Variants in PARPBP observed in about 807,000 individuals in gnomAD.
The protein encoded by PARPBP is PARP1 binding protein.
In PARPBP, 52 loss-of-function variants were observed where a neutral mutation model predicts 50.0. The ratio of observed to expected loss-of-function variants is 1.04; its 90% CI spans 0.83 to 1.31. PARPBP has a LOEUF of 1.31. Ranked by LOEUF, PARPBP falls within the 50% of genes most tolerant of loss-of-function variation. The pLI is 0.00. For synonymous variants in PARPBP, 244 were observed against 232.1 expected (o/e 1.05, Z -0.47); for missense variants, 697 against 672.0 (o/e 1.04, Z -0.41).
At chr12:102,172,086 C>A (rs1199397072) in intron 6 of PARPBP, among the ~76,000 whole-genome samples, 1 of 152,134 alleles carries the variant, frequency 6.6e-6, no homozygotes, top group Non-Finnish European at 1.5e-5. Flanking sequence ...GTGTTCTCTT[C>A]CAGTTACTTT....
chr12:102,186,758 G>A (rs1451068286), intron 9 of PARPBP, among the ~76,000 whole-genome samples: 1 of 152,096 alleles, frequency 6.6e-6, no homozygotes. Context: ...TGAGTCTAAT[G>A]TTTATAGCAT....
intron 9 of PARPBP, among the ~76,000 whole-genome samples, chr12:102,184,539 T>C (rs988471287): frequency 6.6e-6 from 1 of 152,162 alleles, no homozygotes; most frequent in Non-Finnish European, 1.5e-5. Flanking sequence ...GAAGGCACCT[T>C]ATCCAAGATC....
At chr12:102,165,155 C>G (rs1278860253) in intron 5 of PARPBP, among the ~76,000 whole-genome samples, 1 of 152,210 alleles carries the variant, frequency 6.6e-6, no homozygotes, top group Non-Finnish European at 1.5e-5. Context: ...GGAACACTTA[C>G]GTACAGCTAT....
chr12:102,143,993 G>T (rs1565866018), intron 2 of PARPBP, among the ~76,000 whole-genome samples: 1 of 152,078 alleles, frequency 6.6e-6, no homozygotes, highest in Non-Finnish European at 1.5e-5. Context: ...TCAAAACAAT[G>T]ATTTTACTTT....
intron 3 of PARPBP, 28 bp downstream of exon 3, chr12:102,148,491 T>G: frequency 1.2e-6 from 1 of 857,432 alleles, no homozygotes; most frequent in South Asian, 1.9e-5. Context: ...AATTCTATTT[T>G]AATCAAATTA....
At chr12:102,159,615 G>A (rs752434199) in intron 4 of PARPBP, among the ~76,000 whole-genome samples, 1 of 151,370 alleles carries the variant, frequency 6.6e-6, no homozygotes. Context: ...TTTTCCTAAG[G>A]TACTAAACCA....
chr12:102,142,219 G>A (rs757903515), intron 2 of PARPBP, among the ~76,000 whole-genome samples: 6 of 151,818 alleles, frequency 4.0e-5, no homozygotes, highest in African/African-American at 9.7e-5. Flanking sequence ...TTGTCTTCTC[G>A]CTTCATTTCA....
intron 6 of PARPBP, among the ~76,000 whole-genome samples, chr12:102,174,501 A>G (rs1182276111): frequency 6.6e-6 from 1 of 152,190 alleles, no homozygotes; most frequent in Non-Finnish European, 1.5e-5. Context: ...CCTTTATGCC[A>G]CTACAAAAGA....
intron 2 of PARPBP, among the ~76,000 whole-genome samples, chr12:102,147,293 A>G (rs1353229294): frequency 1.3e-5 from 2 of 152,150 alleles, no homozygotes; most frequent in Non-Finnish European, 2.9e-5. Context: ...ACTATTCACA[A>G]TAGCAAAGAC....
At chr12:102,126,104 G>A (rs1881948180) in intron 2 of PARPBP, among the ~76,000 whole-genome samples, 1 of 152,314 alleles carries the variant, frequency 6.6e-6, no homozygotes, top group East Asian at 1.9e-4. Flanking sequence ...GTTTTTCTAG[G>A]AGACATATTA....
At chr12:102,182,962 A>G (rs1457823688) in intron 9 of PARPBP, among the ~76,000 whole-genome samples, 1 of 152,200 alleles carries the variant, frequency 6.6e-6, no homozygotes, top group African/African-American at 2.4e-5. Context: ...TATATCTTAA[A>G]CTGAATCTCA....
rs780797487 is a variant in PARPBP, at chr12:102,145,020, T to C, written c.154-3210T>C. Among the ~76,000 whole-genome samples the C allele has an allele frequency of 2.6e-5, 4 of 152,158 alleles. No individual in the cohort carries two copies. In the South Asian group the frequency reaches 8.3e-4, roughly 31 times the overall value. On this transcript the variant is annotated intron_variant, in intron 2 of 10. Coordinates refer to ENST00000327680, the MANE Select transcript of PARPBP (RefSeq NM_017915.5). ...GCACTAAGGACAATGAGGATAATTT[T>C]TTTAGTTGTGTTTGTATAGATGAGT...
intron 6 of PARPBP, among the ~76,000 whole-genome samples, chr12:102,173,815 C>T (rs759182894): frequency 6.7e-6 from 1 of 150,078 alleles, no homozygotes; most frequent in Non-Finnish European, 1.5e-5. Context: ...GCACAGCTTT[C>T]GGCTTACCAT....
chr12:102,153,813 A>C, intron 3 of PARPBP, 56 bp from the exon 4 acceptor site: 1 of 904,358 alleles, frequency 1.1e-6, no homozygotes, highest in Non-Finnish European at 1.8e-6. Flanking sequence ...CTTTATGTGA[A>C]GTATTTTTTA....
chr12:102,124,069 GT>G, intron 2 of PARPBP, 28 bp downstream of exon 2: 1 of 1,504,774 alleles, frequency 6.6e-7, no homozygotes, highest in Non-Finnish European at 8.9e-7. Flanking sequence ...GGGTTAACTT[GT>G]TTTTTTAAAG....
intron 2 of PARPBP, among the ~76,000 whole-genome samples, chr12:102,137,338 G>C (rs1326272714): frequency 6.6e-6 from 1 of 152,084 alleles, no homozygotes; most frequent in Non-Finnish European, 1.5e-5. Flanking sequence ...TGAATACCTA[G>C]TAGAGTTGTT....
chr12:102,159,622 A>C (rs540604441), intron 4 of PARPBP, among the ~76,000 whole-genome samples: 1 of 152,250 alleles, frequency 6.6e-6, no homozygotes, highest in African/African-American at 2.4e-5. Context: ...AAGGTACTAA[A>C]CCATTGCTTT....
At chr12:102,165,650 AGATTT>A in intron 5 of PARPBP, 74 bp from the exon 6 acceptor site, 2 of 1,111,924 alleles carry the variant, frequency 1.8e-6, no homozygotes, top group Non-Finnish European at 2.7e-6. Context: ...AGAATTATAT[AGATTT>A]ACTTAGCTTT....
At chr12:102,135,536 CAAA>C (rs34890863) in intron 2 of PARPBP, among the ~76,000 whole-genome samples, 12 of 50,528 alleles carry the variant, frequency 2.4e-4, no homozygotes, top group African/African-American at 8.0e-4. Context: ...ACTCCGTCTC[CAAA>C]AAAAAAAAAA....
Sources: gnomAD v4.1 joint callset for allele counts (sites outside exome capture counted in the v4.1 genomes callset) on GRCh38, gnomAD v4.1.1 for gene constraint, MANE v1.5 for transcripts, NCBI Gene and HGNC (gene_info 2026-07-23, HGNC 2026-07-21) for gene names.